The following TUBA4B variants were observed in gnomAD, a reference collection of about 807,000 sequenced individuals.
TUBA4B encodes tubulin-like protein alpha-4B.
In TUBA4B, 13 loss-of-function variants were observed where a neutral mutation model predicts 18.4. The observed-to-expected ratio is 0.71, with a 90% CI of 0.46 to 1.12. The LOEUF (loss-of-function observed/expected upper bound fraction) is 1.12. TUBA4B is among the 50% of genes most tolerant of loss of function. The pLI, the probability that TUBA4B is intolerant of heterozygous loss-of-function variation, is 0.00. For synonymous variants in TUBA4B, 101 were observed against 99.1 expected (o/e 1.02, Z -0.11); for missense variants, 244 against 250.0 (o/e 0.98, Z 0.16).
At chr2:219,269,618 C>T (rs1355968377) in intron 2 of TUBA4B, among the ~76,000 whole-genome samples, 1 of 152,186 alleles carries the variant, frequency 6.6e-6, no homozygotes, top group Non-Finnish European at 1.5e-5. Context: ...CTGCCCTTTG[C>T]CCACTCAGTG....
chr2:219,266,472 T>TGGCC (rs1301509343), intron 1 of TUBA4B, 49 bp from the exon 2 acceptor site: 1 of 688,392 alleles, frequency 1.5e-6, no homozygotes, highest in African/African-American at 1.8e-5. Flanking sequence ...GGAGGCTGGC[T>TGGCC]GGCCGCTGCA....
At chr2:219,267,899 A>AGT (rs1302039127) in intron 2 of TUBA4B, among the ~76,000 whole-genome samples, 3 of 152,014 alleles carry the variant, frequency 2.0e-5, no homozygotes, top group Non-Finnish European at 4.4e-5. Context: ...TGCTGCCTCC[A>AGT]GTGTGAGACA....
chr2:219,265,980 C>T (rs566082360), intron 1 of TUBA4B, among the ~76,000 whole-genome samples: 4 of 152,306 alleles, frequency 2.6e-5, no homozygotes, highest in Non-Finnish European at 2.9e-5. Flanking sequence ...GGGATTAAAA[C>T]CAAGCTCTAG....
intron 2 of TUBA4B, among the ~76,000 whole-genome samples, chr2:219,268,935 A>C (rs567420538): frequency 6.6e-6 from 1 of 152,258 alleles, no homozygotes; most frequent in Admixed American, 6.5e-5. Context: ...TCTCTACAAA[A>C]AAATTTAAAA....
chr2:219,270,880 T>C (rs1213804767), intron 3 of TUBA4B, among the ~76,000 whole-genome samples: 1 of 149,542 alleles, frequency 6.7e-6, no homozygotes, highest in Non-Finnish European at 1.5e-5. Context: ...TGGAGTCCTG[T>C]GCACTGGTCA....
At chr2:219,263,985 C>T (rs753538282) in intron 1 of TUBA4B, among the ~76,000 whole-genome samples, 1 of 152,204 alleles carries the variant, frequency 6.6e-6, no homozygotes, top group Non-Finnish European at 1.5e-5. Context: ...CTGGTTTTGG[C>T]TGCTATCTGG....
At chr2:219,259,318 TAA>T (rs35321348) in intron 1 of TUBA4B, among the ~76,000 whole-genome samples, 10 of 73,922 alleles carry the variant, frequency 1.4e-4, no homozygotes, top group African/African-American at 3.0e-4. Flanking sequence ...AGACTCTGTC[TAA>T]AAAAAAAAAA....
In TUBA4B at chr2:219,265,721, G is replaced by A. The variant is rs910313498; in HGVS notation, c.13-800G>A. On this transcript the variant is annotated intron_variant, in intron 1 of 3. Transcript: ENST00000490341. ...TTTCAGAATTTTGCCTAAGACTATC[G>A]GGAGACTCCTTTTCTGGGGACATAA... Among the ~76,000 whole-genome samples, 4 of 152,126 alleles carry A rather than the reference G, an allele frequency of 2.6e-5. No homozygotes were observed. In the East Asian group the frequency reaches 5.8e-4, roughly 22 times the overall value.
At chr2:219,267,790 C>T (rs544906743) in intron 2 of TUBA4B, among the ~76,000 whole-genome samples, 3 of 152,138 alleles carry the variant, frequency 2.0e-5, no homozygotes, top group African/African-American at 7.2e-5. Flanking sequence ...GTCTCAATCG[C>T]CTGACCTTGT....
intron 1 of TUBA4B, chr2:219,253,813 G>A (rs1951689108): frequency 6.5e-7 from 1 of 1,531,630 alleles, no homozygotes; most frequent in Non-Finnish European, 8.8e-7. Flanking sequence ...AAAGGAGAGG[G>A]GCAATTAGGG....
intron 1 of TUBA4B, among the ~76,000 whole-genome samples, chr2:219,259,048 C>T (rs888953386): frequency 3.3e-5 from 5 of 151,498 alleles, no homozygotes; most frequent in Non-Finnish European, 4.4e-5. Flanking sequence ...TCTGGGAGGC[C>T]GAGGCAGGCG....
rs770259066 is a variant in TUBA4B, at chr2:219,271,317, A to C, written c.344A>C (p.Gln115Pro). 1 of 1,599,680 alleles carries C rather than the reference A, an allele frequency of 6.3e-7. No individual in the cohort carries two copies. The highest frequency in any genetic ancestry group is 1.7e-5 in the Admixed American group (1 of 60,004). ...KLGFSIYPAP[Q>P]VSTAMVQPYN... ...GGATTCTCCATCTACCCAGCCCCCC[A>C]GGTGTCTACAGCCATGGTCCAGCCC... Residue 115 changes from glutamine (Q) to proline (P), a missense_variant, in exon 4 of 4, where the codon CAG becomes CCG. Physicochemically the swap from Gln to Pro is moderately conservative, Grantham distance 76. Coordinates refer to ENST00000490341, the MANE Select transcript of TUBA4B (RefSeq NM_001355221.1).
chr2:219,253,778 A>C, intron 1 of TUBA4B: 10 of 1,487,898 alleles, frequency 6.7e-6, no homozygotes, highest in Non-Finnish European at 8.2e-6. Flanking sequence ...GAGGTCCCCG[A>C]GCATGCCTGG....
At position 219,270,321 on chromosome 2, in the gene TUBA4B, C is replaced by G. The variant is rs558404074; in HGVS notation, c.178C>G (p.Arg60Gly). The change falls in exon 3 of 4, where the codon CGG becomes GGG. Residue 60 changes from arginine (R) to glycine (G), a missense_variant. By Grantham distance (125) the Arg-to-Gly change is moderately radical (BLOSUM62 -2). Transcript: ENST00000490341. ...GGAGTTCATCGACCTGCTACTGGAC[C>G]GGATTCGGAAGCTGGTGAGGAAAGG... The part of the protein sequence containing the change: ...GKEFIDLLLD[R>G]IRKLADQCTG... 1.4e-6 allele frequency: 1 copy of G among 739,732 alleles called. No individual in the cohort carries two copies. Among genetic ancestry groups the G allele is most frequent in the Non-Finnish European group, 2.5e-6 (1 of 401,168 alleles). The allele number at this position is 739,732 out of a possible 1,614,324, so 45.8% of individuals were successfully genotyped here.
At chr2:219,268,570 C>T (rs1951805954) in intron 2 of TUBA4B, among the ~76,000 whole-genome samples, 1 of 152,300 alleles carries the variant, frequency 6.6e-6, no homozygotes, top group African/African-American at 2.4e-5. Context: ...TTATTGTCTA[C>T]ATTTCAAAAG....
In TUBA4B at chr2:219,272,019, G is replaced by A. The variant is rs1433790376; in HGVS notation, c.*320G>A. The stretch of plus-strand genomic sequence containing the variant: ...GGCGTTTGGGCACTGATATGTGGGT[G>A]AGGGCATGGAGGAGGGTGAGTTCTC... On this transcript the variant is annotated 3_prime_UTR_variant, in exon 4 of 4. Transcript: ENST00000490341. The A allele has an allele frequency of 7.4e-6, 11 of 1,491,014 alleles. No individual in the cohort carries two copies. The Admixed American group carries it at 1.5e-4, about 20-fold the overall frequency. 92.4% of individuals were successfully genotyped at this position (1,491,014 alleles called of 1,614,324 possible). A position where few individuals can be genotyped will look rare whatever the true frequency, so the allele number is the denominator to read the frequency against.
intron 2 of TUBA4B, among the ~76,000 whole-genome samples, chr2:219,267,286 C>T (rs75151533): frequency 0.026 from 3,978 of 152,218 alleles, 167 homozygotes; most frequent in African/African-American, 0.091. Flanking sequence ...CTCTGAGGGT[C>T]GGTTTCCTCA....
chr2:219,265,920 C>A lies in TUBA4B; in HGVS notation c.13-601C>A, dbSNP rs188084079. ...TCGTAATACTACCTCTCCCCATTCT[C>A]CAGAGAGAGAAAAAAAAAGAAGTTT... On this transcript the variant is annotated intron_variant, in intron 1 of 3. Coordinates refer to ENST00000490341, the MANE Select transcript of TUBA4B (RefSeq NM_001355221.1). 7.9e-5 allele frequency among the ~76,000 whole-genome samples: 12 copies of A among 152,244 alleles called. No individual in the cohort carries two copies. The East Asian group carries it at 2.3e-3, about 29-fold the overall frequency.
At chr2:219,253,914 A>G (rs923711117) in intron 1 of TUBA4B, 5 of 1,358,680 alleles carry the variant, frequency 3.7e-6, no homozygotes, top group Non-Finnish European at 3.8e-6. Context: ...CTCAGTGAGA[A>G]CTGCGCTAGC....
Sources: allele counts gnomAD v4.1 joint callset (sites outside exome capture counted in the v4.1 genomes callset), GRCh38; gene constraint gnomAD v4.1.1; transcripts MANE v1.5; gene names NCBI Gene and HGNC (gene_info 2026-07-23, HGNC 2026-07-21).